SLC5A8: variants seen among roughly 807,000 people sequenced by gnomAD.
SLC5A8 encodes the protein sodium-coupled monocarboxylate transporter 1.
In SLC5A8, 55 loss-of-function variants were observed where a neutral mutation model predicts 71.9. The ratio of observed to expected loss-of-function variants is 0.77; its 90% CI spans 0.62 to 0.96. The LOEUF is 0.96. Among genes scored for constraint, SLC5A8 ranks in the 40% least tolerant of loss-of-function variants. The pLI is 0.00. For missense variants in SLC5A8, 701 were observed against 745.3 expected, an observed-to-expected ratio of 0.94 and a Z score of 0.69; for synonymous variants, 307 against 276.1, an observed-to-expected ratio of 1.11 and a Z score of -1.11.
chr12:101,176,137 A>G (rs1263388219), intron 10 of SLC5A8, among the ~76,000 whole-genome samples: 1 of 152,042 alleles, frequency 6.6e-6, no homozygotes, highest in Non-Finnish European at 1.5e-5. Context: ...TAGGTGGTTC[A>G]AAGTGAAAAA....
rs191946737 is a variant in SLC5A8 at position 101,172,685 on chromosome 12, G to C, written c.1234-4503C>G. ...CTGAAAGGTGCAAAGAAGGCAGCCC[G>C]CTAGGGACCCTGGACCTGAAGAGTG... On this transcript the variant is annotated intron_variant, in intron 10 of 14. Transcript: ENST00000536262. Among the ~76,000 whole-genome samples the C allele has an allele frequency of 1.2e-4, 18 of 152,220 alleles. 2 individuals carry two copies. Among genetic ancestry groups the C allele is most frequent in the African/African-American group, 4.3e-4 (18 of 41,546 alleles).
intron 7 of SLC5A8, among the ~76,000 whole-genome samples, chr12:101,185,295 A>T (rs778885970): frequency 6.6e-6 from 1 of 152,236 alleles, no homozygotes; most frequent in Non-Finnish European, 1.5e-5. Context: ...ATAAAGGTTT[A>T]ACTTTAAACA....
In SLC5A8 at chr12:101,155,879, A is replaced by G. The variant is rs1458264739; in HGVS notation, c.*1400T>C. The G allele has an allele frequency of 1.3e-5, 2 of 151,674 alleles. No individual in the cohort carries two copies. The highest frequency in any genetic ancestry group is 1.3e-4 in the Admixed American group (2 of 15,190). The allele number at this position is 151,674 out of a possible 1,614,324, so 9.4% of individuals were successfully genotyped here. On this transcript the variant is annotated 3_prime_UTR_variant, in exon 15 of 15. Transcript: ENST00000536262. ...GGGCATGATTACCTAAATAACACGT[A>G]TCAGAAAATAAGCATAAAATTATTT... is the stretch of plus-strand genomic sequence containing the variant.
intron 3 of SLC5A8, among the ~76,000 whole-genome samples, chr12:101,196,051 T>C (rs1374271767): frequency 1.3e-5 from 2 of 152,158 alleles, no homozygotes. Flanking sequence ...GTTTGTTACA[T>C]AGGTGATCTT....
chr12:101,159,958 G>T (rs1178434325), intron 13 of SLC5A8, among the ~76,000 whole-genome samples: 1 of 152,230 alleles, frequency 6.6e-6, no homozygotes, highest in Non-Finnish European at 1.5e-5. Context: ...AAGGTGGGCA[G>T]ATCACCTGAG....
At chr12:101,177,276 T>TA (rs35269919) in intron 10 of SLC5A8, among the ~76,000 whole-genome samples, 80,041 of 151,596 alleles carry the variant, frequency 0.53, 23,459 homozygotes, top group African/African-American at 0.79. Flanking sequence ...ATTTTGAAAC[T>TA]AAAAAAAATC....
At chr12:101,202,524 T>C (rs371136952) in intron 2 of SLC5A8, among the ~76,000 whole-genome samples, 60 of 152,102 alleles carry the variant, frequency 3.9e-4, no homozygotes, top group African/African-American at 1.3e-3. Context: ...GAAATAAAAT[T>C]TCCTACATCT....
chr12:101,196,500 A>G (rs1227507112), intron 3 of SLC5A8, among the ~76,000 whole-genome samples: 1 of 152,186 alleles, frequency 6.6e-6, no homozygotes, highest in Non-Finnish European at 1.5e-5. Context: ...ATTTTGATGT[A>G]TAGATTTCAC....
chr12:101,197,515 G>A (rs980547566), intron 3 of SLC5A8, among the ~76,000 whole-genome samples: 2 of 152,102 alleles, frequency 1.3e-5, no homozygotes, highest in East Asian at 1.9e-4. Flanking sequence ...AAATACAGAG[G>A]AATGGTGAAC....
intron 10 of SLC5A8, among the ~76,000 whole-genome samples, chr12:101,168,457 G>C (rs2051794795): frequency 6.6e-6 from 1 of 152,218 alleles, no homozygotes; most frequent in Non-Finnish European, 1.5e-5. Flanking sequence ...TAGTGCCTAT[G>C]TGAATGTATA....
intron 10 of SLC5A8, among the ~76,000 whole-genome samples, chr12:101,174,547 T>C (rs1666984392): frequency 6.6e-6 from 1 of 152,192 alleles, no homozygotes; most frequent in African/African-American, 2.4e-5. Flanking sequence ...TAAGCTATTA[T>C]TGTAAAAGTA....
chr12:101,168,379 C>G lies in SLC5A8; in HGVS notation c.1234-197G>C, dbSNP rs141885729. On this transcript the variant is annotated intron_variant, in intron 10 of 14. Transcript: ENST00000536262. ...CTGCATCTCAGTCTCAAGGATCCAT[C>G]TGTTTCTGCAAGTAGCCTCAAAAAA... Among the ~76,000 whole-genome samples, 569 of 152,278 alleles carry G rather than the reference C, an allele frequency of 3.7e-3. 3 individuals carry two copies. The highest frequency in any genetic ancestry group is 0.013 in the African/African-American group (534 of 41,546).
chr12:101,176,640 G>A (rs1237321211), intron 10 of SLC5A8, among the ~76,000 whole-genome samples: 1 of 151,940 alleles, frequency 6.6e-6, no homozygotes. Context: ...AAGATAACAG[G>A]AAAATCTTTG....
At position 101,193,751 on chromosome 12, in the gene SLC5A8, T is replaced by C; in HGVS notation, c.566A>G (p.Asp189Gly). 1 of 1,614,090 alleles carries C rather than the reference T, an allele frequency of 6.2e-7. No homozygotes were observed. The highest frequency in any genetic ancestry group is 8.5e-7 in the Non-Finnish European group (1 of 1,180,012). ...CACCATGATCCCAACTTGAAAAACA[T>C]CTGTCCAGATAACTGCTTTAAGACC... ...LGGLKAVIWT[D>G]VFQVGIMVAG... Residue 189 changes from aspartate to glycine, a missense_variant, in exon 5 of 15, where the codon GAT (aspartate) becomes GGT (glycine). Asp to Gly is a moderately conservative substitution (Grantham distance 94, BLOSUM62 -1). Coordinates refer to ENST00000536262, the MANE Select transcript of SLC5A8 (RefSeq NM_145913.5).
At chr12:101,191,165 T>A (rs895213027) in intron 5 of SLC5A8, among the ~76,000 whole-genome samples, 3 of 152,230 alleles carry the variant, frequency 2.0e-5, no homozygotes, top group African/African-American at 7.2e-5. Flanking sequence ...TCATGCTTTA[T>A]TAAAATGCTG....
At chr12:101,165,717 G>A (rs1460603208) in intron 12 of SLC5A8, among the ~76,000 whole-genome samples, 3 of 152,170 alleles carry the variant, frequency 2.0e-5, no homozygotes, top group African/African-American at 4.8e-5. Context: ...TCCATTTTAA[G>A]AGGGGTATGC....
intron 1 of SLC5A8, 135 bp from the exon 2 acceptor site, chr12:101,204,700 T>A: frequency 1.6e-6 from 1 of 629,312 alleles, no homozygotes; most frequent in South Asian, 2.1e-5. Flanking sequence ...ATTTTAGTGT[T>A]ATTTTTATTT....
chr12:101,207,379 G>C (rs7137298), intron 1 of SLC5A8, among the ~76,000 whole-genome samples: 43,711 of 152,070 alleles, frequency 0.29, 8,036 homozygotes, highest in East Asian at 0.55. Flanking sequence ...GATAGTACTT[G>C]CCTCATAAGG....
Position 101,158,606 on chromosome 12 carries a change from A to C in SLC5A8, c.1631-278T>G, listed in dbSNP as rs1468780361. On this transcript the variant is annotated intron_variant, in intron 13 of 14. Coordinates refer to ENST00000536262, the MANE Select transcript of SLC5A8 (RefSeq NM_145913.5). ...TCTCTCTCTCTCTCTCTCTATATATATATATATATATATATATATATATAT... is the reference window on the plus strand; with the variant it reads ...TCTCTCTCTCTCTCTCTCTATATATCTATATATATATATATATATATATAT... 6.8e-3 allele frequency among the ~76,000 whole-genome samples: 366 copies of C among 53,728 alleles called. 2 individuals carry two copies. The highest frequency in any genetic ancestry group is 0.012 in the African/African-American group (135 of 11,052). 35.2% of individuals were successfully genotyped at this position (53,728 alleles called of 152,430 possible).
Sources: gnomAD v4.1 joint callset for allele counts (sites outside exome capture counted in the v4.1 genomes callset) on GRCh38, gnomAD v4.1.1 for gene constraint, MANE v1.5 for transcripts, NCBI Gene and HGNC (gene_info 2026-07-23, HGNC 2026-07-21) for gene names.